WDR47: variants seen among roughly 807,000 people sequenced by gnomAD.
WDR47 encodes WD repeat domain 47.
In WDR47, 32 loss-of-function variants were observed where a neutral mutation model predicts 97.2. The ratio of observed to expected loss-of-function variants is 0.33; its 90% confidence interval spans 0.25 to 0.44. The LOEUF (loss-of-function observed/expected upper bound fraction) is 0.44, where lower values mean the gene tolerates loss of function less well. Ranked by LOEUF, WDR47 falls within the 20% of genes least tolerant of loss-of-function variation. The pLI, the probability that WDR47 is intolerant of heterozygous loss-of-function variation, is 1.00. For missense variants in WDR47, 782 were observed against 1,102.3 expected (o/e 0.71, Z 4.11); for synonymous variants, 375 against 373.5 (o/e 1.00, Z -0.05).
chr1:109,030,418 T>C (rs1200341671), intron 1 of WDR47: 4 of 374,048 alleles, frequency 1.1e-5, no homozygotes, highest in African/African-American at 4.2e-5. Context: ...TAAATGTTCA[T>C]CTGCAATGCG....
chr1:109,020,484 G>A (rs923134099), intron 2 of WDR47, among the ~76,000 whole-genome samples: 8 of 151,998 alleles, frequency 5.3e-5, no homozygotes, highest in African/African-American at 9.7e-5. Flanking sequence ...GGATGGTCTC[G>A]ATCTCCTGAC....
At position 108,991,470 on chromosome 1, in the gene WDR47, A is replaced by G. The variant is rs898509869; in HGVS notation, c.1692-141T>C. ...AAGTTACTCTCTGGAGACATTTATT[A>G]AAATAAGCTCTGGATTCAGTGGCAC... On this transcript the variant is annotated intron_variant, in intron 8 of 14. Transcript: ENST00000369962. 6.5e-6 allele frequency: 4 copies of G among 618,684 alleles called. No homozygotes were observed. In the African/African-American group the frequency reaches 7.4e-5, roughly 11 times the overall value. 38.3% of individuals were successfully genotyped at this position (618,684 alleles called of 1,614,324 possible).
chr1:108,983,364 A>G lies in WDR47; in HGVS notation c.2013T>C (p.Pro671=). 1 of 1,613,322 alleles carries G rather than the reference A, an allele frequency of 6.2e-7. No individual in the cohort carries two copies. The highest frequency in any genetic ancestry group is 8.5e-7 in the Non-Finnish European group (1 of 1,179,622). Reference sequence around the variant, plus strand: ...ATCCTGTTGCTAATAACTGCCCACAAGGACTCCAGGCCACACAGTAAATGG... The same window carrying G: ...ATCCTGTTGCTAATAACTGCCCACAGGGACTCCAGGCCACACAGTAAATGG... The part of the protein sequence containing the change: ...KGSIYCVAWS[P]CGQLLATGSN... The change falls in exon 11 of 15, where the codon CCT becomes CCC. Residue 671 remains proline (P), a synonymous_variant. Coordinates refer to ENST00000369962, the MANE Select transcript of WDR47 (RefSeq NM_001142551.2).
At chr1:109,023,720 A>G (rs532602310) in intron 1 of WDR47, among the ~76,000 whole-genome samples, 199 bp from the exon 2 acceptor site, 16 of 152,326 alleles carry the variant, frequency 1.1e-4, no homozygotes, top group Non-Finnish European at 2.1e-4. Flanking sequence ...TAAAGTCCTT[A>G]TCTTTGAAAT....
intron 13 of WDR47, among the ~76,000 whole-genome samples, chr1:108,978,130 CAT>C (rs1658061448): frequency 6.7e-6 from 1 of 149,884 alleles, no homozygotes; most frequent in African/African-American, 2.5e-5. Flanking sequence ...CATGAAATTT[CAT>C]ATCTTACAGT....
chr1:109,011,061 T>C lies in WDR47; in HGVS notation c.985A>G (p.Lys329Glu), dbSNP rs1661005229. 6.2e-7 allele frequency: 1 copy of C among 1,613,986 alleles called. No individual in the cohort carries two copies. Among genetic ancestry groups the C allele is most frequent in the South Asian group, 1.1e-5 (1 of 91,078 alleles). The change falls in exon 5 of 15, where the codon AAG becomes GAG. Residue 329 changes from lysine to glutamate, a missense_variant. This residue lies in a region of WDR47 where 428 missense variants were observed against 584.3 expected (regional missense o/e 0.73). Transcript: ENST00000369962. ...TTGTTTCCAAGGTCTGAAATTCTCT[T>C]ATCATGACTGGTTAGTCCACAGGTG... ...GLTCGLTSHDKRISDLGNKTS... is the reference protein window; with the variant it reads ...GLTCGLTSHDERISDLGNKTS...
intron 8 of WDR47, among the ~76,000 whole-genome samples, chr1:108,994,012 T>C (rs1367003532): frequency 6.6e-6 from 1 of 152,184 alleles, no homozygotes; most frequent in Admixed American, 6.5e-5. Flanking sequence ...GATACTGATT[T>C]AAACAAAAAT....
chr1:109,030,835 C>A lies in WDR47; in HGVS notation c.-9-7314G>T, dbSNP rs150632871. ...GCATTCAAAAAACTTTATGTTGCTGCCAGGTCATTTAATTTTAAATGTCCA... is the reference window on the plus strand; with the variant it reads ...GCATTCAAAAAACTTTATGTTGCTGACAGGTCATTTAATTTTAAATGTCCA... On this transcript the variant is annotated intron_variant, in intron 1 of 14. Coordinates refer to ENST00000369962, the MANE Select transcript of WDR47 (RefSeq NM_001142551.2). Among the ~76,000 whole-genome samples the A allele has an allele frequency of 4.4e-5, 6 of 137,678 alleles. 1 individual carries two copies. In the East Asian group the frequency reaches 1.3e-3, roughly 29 times the overall value. The allele number at this position is 137,678 out of a possible 152,430, so 90.3% of individuals were successfully genotyped here.
At chr1:109,027,482 T>C (rs976383087) in intron 1 of WDR47, among the ~76,000 whole-genome samples, 1 of 152,208 alleles carries the variant, frequency 6.6e-6, no homozygotes, top group African/African-American at 2.4e-5. Flanking sequence ...GAAACATTTA[T>C]ACAGGCTCCC....
intron 10 of WDR47, among the ~76,000 whole-genome samples, chr1:108,985,537 C>G (rs1658723706): frequency 2.0e-5 from 3 of 152,144 alleles, no homozygotes; most frequent in Admixed American, 2.0e-4. Context: ...GCATTATATC[C>G]ATCTTCCCCA....
At chr1:109,003,629 G>A (rs748788070) in intron 6 of WDR47, among the ~76,000 whole-genome samples, 40 of 152,088 alleles carry the variant, frequency 2.6e-4, no homozygotes, top group Non-Finnish European at 4.9e-4. Flanking sequence ...AGCCTCCCAA[G>A]TAGCTGGGAC....
chr1:109,030,616 GTATTA>G, intron 1 of WDR47, among the ~76,000 whole-genome samples: 1 of 90,254 alleles, frequency 1.1e-5, no homozygotes, highest in African/African-American at 3.6e-5. Flanking sequence ...AATCTTCCAA[GTATTA>G]CAGAGTGCCT....
chr1:108,999,234 A>C (rs1389391570), intron 7 of WDR47, among the ~76,000 whole-genome samples: 2 of 151,964 alleles, frequency 1.3e-5, no homozygotes, highest in African/African-American at 4.8e-5. Flanking sequence ...TCCCCAAAAA[A>C]AAAAAAAATT....
At position 108,970,763 on chromosome 1, in the gene WDR47, T is replaced by C. The variant is rs1338756073; in HGVS notation, c.*667A>G. On this transcript the variant is annotated 3_prime_UTR_variant, in exon 15 of 15. Transcript: ENST00000369962. ...TTCTGAAGCAAACACATTTACCTTT[T>C]AGCCTGAAACAAAATTATATGACAA... 3 of 152,618 alleles carry C rather than the reference T, an allele frequency of 2.0e-5. No homozygotes were observed. Among genetic ancestry groups the C allele is most frequent in the African/African-American group, 7.2e-5 (3 of 41,452 alleles). The allele number at this position is 152,618 out of a possible 1,614,324, so 9.5% of individuals were successfully genotyped here.
At chr1:108,982,894 G>A (rs900416538) in intron 11 of WDR47, 115 bp from the exon 12 acceptor site, 53 of 1,193,866 alleles carry the variant, frequency 4.4e-5, no homozygotes, top group Non-Finnish European at 5.9e-5. Flanking sequence ...AATATGGTTT[G>A]TATTTTCATT....
chr1:108,982,889 G>T (rs1413183289), intron 11 of WDR47, 110 bp from the exon 12 acceptor site: 17 of 1,222,922 alleles, frequency 1.4e-5, no homozygotes, highest in Non-Finnish European at 1.9e-5. Context: ...TTAGAAATAT[G>T]GTTTGTATTT....
At chr1:108,995,938 AATAT>A in intron 7 of WDR47, 101 bp from the exon 8 acceptor site, 3 of 1,194,204 alleles carry the variant, frequency 2.5e-6, no homozygotes, top group Non-Finnish European at 3.5e-6. Flanking sequence ...ATGCACATAT[AATAT>A]ATAATCTATG....
rs542051513 is a variant in WDR47, at chr1:109,041,699, C to T, written c.-10+163G>A. Among the ~76,000 whole-genome samples, 8 of 152,320 alleles carry T rather than the reference C, an allele frequency of 5.3e-5. No individual in the cohort carries two copies. The East Asian group carries it at 1.5e-3, about 29-fold the overall frequency. On this transcript the variant is annotated intron_variant, in intron 1 of 14. Transcript: ENST00000369962. ...CCCACGACCCCAGCCCCCTCCCAGT[C>T]GGCACCCAAGCCCACTAAAGACCCC...
chr1:109,030,724 A>G (rs1378514008), intron 1 of WDR47, among the ~76,000 whole-genome samples: 1 of 128,124 alleles, frequency 7.8e-6, no homozygotes, highest in South Asian at 2.5e-4. Flanking sequence ...TAAAATACCA[A>G]ACTGCAACAC....
Sources: gnomAD v4.1 joint callset for allele counts (sites outside exome capture counted in the v4.1 genomes callset) on GRCh38, gnomAD v4.1.1 for gene constraint, gnomAD v4.1.1 regional missense constraint, MANE v1.5 for transcripts, NCBI Gene and HGNC (gene_info 2026-07-23, HGNC 2026-07-21) for gene names.